Variants in PRKCD observed in about 807,000 individuals in gnomAD.
The protein encoded by PRKCD is protein kinase C delta, also known as protein kinase C delta type.
A neutral mutation model predicts 82.2 loss-of-function variants in PRKCD; 20 were observed. The ratio of observed to expected loss-of-function variants is 0.24; its 90% CI spans 0.17 to 0.35. PRKCD has a LOEUF of 0.35. Ranked by LOEUF, PRKCD falls within the 10% of genes least tolerant of loss-of-function variation. The probability of loss-of-function intolerance (pLI) is 1.00; values close to 1 mark genes in which losing one functional copy is unlikely to be tolerated. For missense variants in PRKCD, 607 were observed against 899.0 expected, an observed-to-expected ratio of 0.68 and a Z score of 4.15; for synonymous variants, 317 against 337.0, an observed-to-expected ratio of 0.94 and a Z score of 0.65.
Position 53,183,523 on chromosome 3 carries a change from C to T in PRKCD, c.729C>T (p.Phe243=), listed in dbSNP as rs782340381. The T allele has an allele frequency of 6.2e-7, 1 of 1,614,126 alleles. No homozygotes were observed. Among genetic ancestry groups the T allele is most frequent in the East Asian group, 2.2e-5 (1 of 44,904 alleles). Reference sequence around the variant, plus strand: ...TTCACAACTACATGAGCCCCACCTTCTGTGACCACTGCGGCAGCCTGCTCT... The same window carrying T: ...TTCACAACTACATGAGCCCCACCTTTTGTGACCACTGCGGCAGCCTGCTCT... The part of the protein sequence containing the change: ...FKVHNYMSPT[F]CDHCGSLLWG... Residue 243 remains phenylalanine, a synonymous_variant, in exon 9 of 19, where the codon TTC becomes TTT. Coordinates refer to ENST00000330452, the MANE Select transcript of PRKCD (RefSeq NM_006254.4).
intron 10 of PRKCD, 85 bp from the exon 11 acceptor site, chr3:53,185,519 A>G (rs1553668785): frequency 1.8e-6 from 2 of 1,124,180 alleles, no homozygotes; most frequent in Non-Finnish European, 2.6e-6. Flanking sequence ...TTAAGGGTGG[A>G]GTTATACCTG....
At chr3:53,191,529 G>A (rs868993363) in intron 18 of PRKCD, among the ~76,000 whole-genome samples, 2 of 152,266 alleles carry the variant, frequency 1.3e-5, no homozygotes, top group African/African-American at 2.4e-5. Flanking sequence ...ACCAGCTTGC[G>A]GTCTTTCTAT....
chr3:53,167,408 G>C (rs782265183), intron 2 of PRKCD, among the ~76,000 whole-genome samples: 1 of 152,294 alleles, frequency 6.6e-6, no homozygotes, highest in Non-Finnish European at 1.5e-5. Context: ...CCTGTAAGCC[G>C]AGGCTCAAGA....
At chr3:53,183,683 C>T (rs879994612) in intron 9 of PRKCD, 102 bp downstream of exon 9, 29 of 1,483,824 alleles carry the variant, frequency 2.0e-5, no homozygotes, top group Non-Finnish European at 2.4e-5. Context: ...CACCTGGAGA[C>T]GGGCACCTCA....
chr3:53,192,243 T>C lies in PRKCD; in HGVS notation c.2008T>C (p.Phe670Leu), dbSNP rs1553671104. 1.2e-6 allele frequency: 2 copies of C among 1,613,984 alleles called. No homozygotes were observed. Among genetic ancestry groups the C allele is most frequent in the East Asian group, 4.5e-5 (2 of 44,890 alleles). The change falls in exon 19 of 19, where the codon TTC (phenylalanine) becomes CTC (leucine). Residue 670 changes from phenylalanine (F) to leucine (L), a missense_variant. By Grantham distance (22) the Phe-to-Leu change is conservative (BLOSUM62 0). Transcript: ENST00000330452. ...TGGCTTCTCCTTTGTGAACCCCAAA[T>C]TCGAGCACCTCCTGGAAGATTGAGG... ...FAGFSFVNPKFEHLLED is the reference protein window; with the variant it reads ...FAGFSFVNPKLEHLLED
intron 8 of PRKCD, 104 bp downstream of exon 8, chr3:53,183,310 C>T: frequency 6.4e-7 from 1 of 1,569,178 alleles, no homozygotes; most frequent in South Asian, 1.1e-5. Flanking sequence ...CCCTCCCTCC[C>T]CATTTTTCTT....
At chr3:53,188,191 A>AAAAAAAG (rs1703783494) in intron 15 of PRKCD, among the ~76,000 whole-genome samples, 1 of 121,268 alleles carries the variant, frequency 8.2e-6, no homozygotes, top group African/African-American at 3.8e-5. Context: ...GTGTCTCAAA[A>AAAAAAAG]AAAAAAAAAA....
chr3:53,189,277 T>C, intron 17 of PRKCD, 31 bp downstream of exon 17: 1 of 1,323,520 alleles, frequency 7.6e-7, no homozygotes, highest in Non-Finnish European at 1.0e-6. Context: ...TGGGCTGGTC[T>C]GGGCTGGGCT....
At chr3:53,174,888 C>T (rs1553665599) in intron 2 of PRKCD, among the ~76,000 whole-genome samples, 2 of 152,220 alleles carry the variant, frequency 1.3e-5, no homozygotes, top group African/African-American at 4.8e-5. Flanking sequence ...GTGGTTTTCC[C>T]TCCAGTGGCT....
intron 17 of PRKCD, 119 bp downstream of exon 17, chr3:53,189,365 G>A: frequency 9.3e-7 from 1 of 1,074,146 alleles, no homozygotes; most frequent in African/African-American, 1.6e-5. Flanking sequence ...TGGTGCTGCA[G>A]TCCTAACATA....
chr3:53,165,091 C>T lies in PRKCD; in HGVS notation c.-131-13C>T, dbSNP rs540873941. 6.6e-6 allele frequency: 1 copy of T among 152,336 alleles called. No homozygotes were observed. Among genetic ancestry groups the T allele is most frequent in the East Asian group, 1.9e-4 (1 of 5,168 alleles). 9.4% of individuals were successfully genotyped at this position (152,336 alleles called of 1,614,324 possible). ...GTGCCTCCCGGCTCAGCTGTTTCCT[C>T]CTGTTCCTACAGGTCTGCAGGGAAC... On this transcript the variant is annotated splice_polypyrimidine_tract_variant and intron_variant, in intron 1 of 18. Transcript: ENST00000330452.
At chr3:53,176,574 C>T (rs1281307168) in intron 2 of PRKCD, among the ~76,000 whole-genome samples, 3 of 152,244 alleles carry the variant, frequency 2.0e-5, no homozygotes, top group Non-Finnish European at 4.4e-5. Context: ...TGCACAAAAT[C>T]GAATGAGCGC....
At chr3:53,183,387 C>A in intron 8 of PRKCD, 65 bp from the exon 9 acceptor site, 1 of 1,603,386 alleles carries the variant, frequency 6.2e-7, no homozygotes, top group Non-Finnish European at 8.5e-7. Flanking sequence ...TGGGGGAGAG[C>A]TAGGGGTTGA....
In PRKCD at chr3:53,192,501, G is replaced by T. The variant is rs1246743235; in HGVS notation, c.*235G>T. The T allele has an allele frequency of 2.5e-6, 1 of 403,280 alleles. No individual in the cohort carries two copies. Among genetic ancestry groups the T allele is most frequent in the East Asian group, 4.0e-5 (1 of 25,098 alleles). The allele number at this position is 403,280 out of a possible 1,614,324, so 25.0% of individuals were successfully genotyped here. ...AAATCCTGTGTTTCATTACTTGAATGTAGTTATCTATTGAAAATATATATT... is the reference window on the plus strand; with the variant it reads ...AAATCCTGTGTTTCATTACTTGAATTTAGTTATCTATTGAAAATATATATT... On this transcript the variant is annotated 3_prime_UTR_variant, in exon 19 of 19. Coordinates refer to ENST00000330452, the MANE Select transcript of PRKCD (RefSeq NM_006254.4).
intron 7 of PRKCD, among the ~76,000 whole-genome samples, chr3:53,182,784 C>T (rs1042365961): frequency 9.9e-5 from 15 of 152,168 alleles, no homozygotes; most frequent in East Asian, 3.8e-4. Context: ...ATTTAGGAGC[C>T]GTTTGCTATC....
At chr3:53,164,651 G>A (rs1446093996) in intron 1 of PRKCD, among the ~76,000 whole-genome samples, 6 of 151,758 alleles carry the variant, frequency 4.0e-5, no homozygotes, top group Admixed American at 3.3e-4. Flanking sequence ...GAGCTGGCAC[G>A]CCACATCATT....
At chr3:53,167,617 T>C (rs544929932) in intron 2 of PRKCD, among the ~76,000 whole-genome samples, 7 of 152,352 alleles carry the variant, frequency 4.6e-5, no homozygotes, top group African/African-American at 1.2e-4. Context: ...AGATAACATA[T>C]GCAAAGTAGC....
intron 4 of PRKCD, 80 bp from the exon 5 acceptor site, chr3:53,181,126 CA>C: frequency 3.4e-6 from 5 of 1,485,746 alleles, no homozygotes; most frequent in Non-Finnish European, 4.6e-6. Context: ...GGGGACCAGC[CA>C]TGGGGGTGGG....
intron 12 of PRKCD, 40 bp from the exon 13 acceptor site, chr3:53,186,127 C>G (rs782515148): frequency 6.2e-7 from 1 of 1,608,954 alleles, no homozygotes; most frequent in Non-Finnish European, 8.5e-7. Flanking sequence ...GTGGCCCCTG[C>G]CCCGTCCTCA....
Sources: allele counts gnomAD v4.1 joint callset (sites outside exome capture counted in the v4.1 genomes callset), GRCh38; gene constraint gnomAD v4.1.1; transcripts MANE v1.5; gene names NCBI Gene and HGNC (gene_info 2026-07-23, HGNC 2026-07-21).